The following SLC1A7 variants were observed in gnomAD, a reference collection of about 807,000 sequenced individuals.
The protein encoded by SLC1A7 is solute carrier family 1 member 7.
SLC1A7 carries 40 observed loss-of-function variants against 47.7 expected under a neutral mutation model. That is an observed-to-expected ratio of 0.84 (90% CI 0.65 to 1.09). The LOEUF (loss-of-function observed/expected upper bound fraction) is 1.09, where lower values mean the gene tolerates loss of function less well. Among genes scored for constraint, SLC1A7 ranks in the 50% least tolerant of loss-of-function variants. The pLI is 0.00. For synonymous variants in SLC1A7, 323 were observed against 325.6 expected (o/e 0.99, Z 0.09); for missense variants, 746 against 769.5 (o/e 0.97, Z 0.36).
At chr1:53,111,588 A>G (rs781183847) in intron 3 of SLC1A7, among the ~76,000 whole-genome samples, 2 of 152,142 alleles carry the variant, frequency 1.3e-5, no homozygotes, top group Non-Finnish European at 2.9e-5. Context: ...AGCTCACAGA[A>G]TTTGCTGAGG....
intron 3 of SLC1A7, among the ~76,000 whole-genome samples, chr1:53,114,224 A>T (rs1644730740): frequency 6.6e-6 from 1 of 152,242 alleles, no homozygotes; most frequent in Non-Finnish European, 1.5e-5. Context: ...TTCCCTGGAG[A>T]GGGAGCCTAG....
intron 2 of SLC1A7, among the ~76,000 whole-genome samples, chr1:53,124,703 G>T (rs1644862170): frequency 6.6e-6 from 1 of 152,226 alleles, no homozygotes; most frequent in South Asian, 2.1e-4. Context: ...TTGTAAATTA[G>T]CAGACAGCAT....
At chr1:53,097,060 T>C (rs754164132) in intron 5 of SLC1A7, among the ~76,000 whole-genome samples, 37 of 134,954 alleles carry the variant, frequency 2.7e-4, no homozygotes, top group Non-Finnish European at 4.6e-4. Flanking sequence ...CTCGGTACAA[T>C]CACACGCACT....
At chr1:53,099,313 C>T (rs1397898758) in intron 5 of SLC1A7, among the ~76,000 whole-genome samples, 1 of 6,076 alleles carries the variant, frequency 1.6e-4, no homozygotes, top group Non-Finnish European at 6.2e-4. Flanking sequence ...GATAGACTGA[C>T]ACACACCACC....
At chr1:53,102,984 A>T in intron 5 of SLC1A7, 1 of 179,122 alleles carries the variant, frequency 5.6e-6, no homozygotes. Flanking sequence ...TTTGGGACCC[A>T]TCTTTAAGAA....
intron 5 of SLC1A7, among the ~76,000 whole-genome samples, chr1:53,098,236 C>T (rs942914177): frequency 6.6e-6 from 1 of 150,418 alleles, no homozygotes; most frequent in African/African-American, 2.5e-5. Flanking sequence ...CATGCCCCGC[C>T]TCAGTATACT....
In SLC1A7 at chr1:53,090,394, T is replaced by C. The variant is rs928810330; in HGVS notation, c.1226+218A>G. 6 of 722,774 alleles carry C rather than the reference T, an allele frequency of 8.3e-6. 1 individual carries two copies. The Admixed American group carries it at 1.3e-4, about 16-fold the overall frequency. 44.8% of individuals were successfully genotyped at this position (722,774 alleles called of 1,614,324 possible). ...CACACGGGCGGCCTCTCCAAGGTCC[T>C]GAGTCCTGTCCCTGGCCTCCGCTCG... is the stretch of plus-strand genomic sequence containing the variant. On this transcript the variant is annotated intron_variant, in intron 8 of 10. Transcript: ENST00000371494.
chr1:53,104,253 A>G (rs927562273), intron 4 of SLC1A7, among the ~76,000 whole-genome samples: 1 of 152,184 alleles, frequency 6.6e-6, no homozygotes, highest in Non-Finnish European at 1.5e-5. Context: ...CCGTGATAGC[A>G]TCTACTGCAT....
In SLC1A7 at chr1:53,092,681, A is replaced by G; in HGVS notation, c.904T>C (p.Cys302Arg). The G allele has an allele frequency of 1.9e-6, 3 of 1,614,000 alleles. No individual in the cohort carries two copies. Among genetic ancestry groups the G allele is most frequent in the Non-Finnish European group, 2.5e-6 (3 of 1,179,880 alleles). The change falls in exon 7 of 11, where the codon TGC becomes CGC. Residue 302 changes from cysteine to arginine, a missense_variant. By Grantham distance (180) the Cys-to-Arg change is radical. Coordinates refer to ENST00000371494, the MANE Select transcript of SLC1A7 (RefSeq NM_006671.6). Reference protein sequence around the residue: ...KLGFYSVTVVCGLVLHGLFIL... With the variant: ...KLGFYSVTVVRGLVLHGLFIL... ...AAGAGCCCGTGGAGCACCAGCCCGC[A>G]CACCACGGTGACTGAGTAGAAGCCC...
Position 53,089,025 on chromosome 1 carries a change from G to C in SLC1A7, c.1362-46C>G, listed in dbSNP as rs375350393. 2.4e-4 allele frequency: 354 copies of C among 1,458,438 alleles called. No homozygotes were observed. The Middle Eastern group carries it at 5.8e-3, about 24-fold the overall frequency. 90.3% of individuals were successfully genotyped at this position (1,458,438 alleles called of 1,614,324 possible). A position where few individuals can be genotyped will look rare whatever the true frequency, so the allele number is the denominator to read the frequency against. On this transcript the variant is annotated intron_variant, in intron 9 of 10. Coordinates refer to ENST00000371494, the MANE Select transcript of SLC1A7 (RefSeq NM_006671.6). ...GTGAGTGGTGGGCACTTGAAGGGGA[G>C]CTGGAAGAGGGCAGTGCTCAACCCA...
chr1:53,119,833 T>C (rs1193676485), intron 2 of SLC1A7, among the ~76,000 whole-genome samples: 1 of 151,886 alleles, frequency 6.6e-6, no homozygotes, highest in Non-Finnish European at 1.5e-5. Context: ...CCAGATAGAG[T>C]GGGAGGTTCC....
intron 2 of SLC1A7, among the ~76,000 whole-genome samples, chr1:53,124,413 GA>G (rs1427101685): frequency 6.6e-6 from 1 of 152,172 alleles, no homozygotes; most frequent in East Asian, 1.9e-4. Flanking sequence ...AGTTTCCCCT[GA>G]AGGACGCCTG....
chr1:53,094,964 G>A (rs960329114), intron 5 of SLC1A7, among the ~76,000 whole-genome samples: 19 of 152,338 alleles, frequency 1.2e-4, no homozygotes, highest in African/African-American at 3.6e-4. Flanking sequence ...AGCCCTGCTC[G>A]GAGCCGCTGT....
intron 1 of SLC1A7, among the ~76,000 whole-genome samples, chr1:53,136,570 C>CATATATAATATATAAAA (rs1242497358): frequency 2.6e-5 from 3 of 116,956 alleles, no homozygotes; most frequent in Admixed American, 1.8e-4. Context: ...TATATATAAA[C>CATATATAATATATAAAA]ATATATAATA....
At chr1:53,101,474 C>T (rs542387662) in intron 5 of SLC1A7, among the ~76,000 whole-genome samples, 80 of 151,336 alleles carry the variant, frequency 5.3e-4, no homozygotes, top group African/African-American at 1.5e-3. Context: ...CACCTCGAAA[C>T]ACCCACACAC....
chr1:53,093,836 G>A (rs1351902362), intron 5 of SLC1A7, among the ~76,000 whole-genome samples: 1 of 152,178 alleles, frequency 6.6e-6, no homozygotes, highest in East Asian at 1.9e-4. Flanking sequence ...TGTGCGCTTA[G>A]GCCATGACAA....
intron 2 of SLC1A7, among the ~76,000 whole-genome samples, chr1:53,130,005 C>T (rs936507337): frequency 2.6e-5 from 4 of 152,180 alleles, no homozygotes; most frequent in African/African-American, 9.7e-5. Context: ...AATAGGGATA[C>T]TAGTTGGTTT....
chr1:53,115,079 T>C, intron 2 of SLC1A7, 106 bp from the exon 3 acceptor site: 2 of 801,106 alleles, frequency 2.5e-6, no homozygotes, highest in Non-Finnish European at 4.1e-6. Flanking sequence ...CTCACAGTGC[T>C]CCAGGGAACC....
At chr1:53,103,055 G>A (rs541990088) in intron 5 of SLC1A7, 12 of 331,568 alleles carry the variant, frequency 3.6e-5, no homozygotes, top group Middle Eastern at 8.3e-4. Context: ...TAGGTGAGGG[G>A]CCTGGCATCC....
Sources: gnomAD v4.1 joint callset for allele counts (sites outside exome capture counted in the v4.1 genomes callset) on GRCh38, gnomAD v4.1.1 for gene constraint, MANE v1.5 for transcripts, NCBI Gene and HGNC (gene_info 2026-07-23, HGNC 2026-07-21) for gene names.